Variants in PGLYRP4 observed in about 807,000 individuals in gnomAD.
PGLYRP4 encodes the protein PGRP-I-beta.
Under a neutral mutation model 41.2 loss-of-function variants are expected in PGLYRP4, and 39 were observed. The observed-to-expected ratio is 0.95, with a 90% CI of 0.73 to 1.24. The LOEUF (loss-of-function observed/expected upper bound fraction) is 1.24, where lower values mean the gene tolerates loss of function less well. Ranked by LOEUF, PGLYRP4 falls within the 50% of genes most tolerant of loss-of-function variation. PGLYRP4 has a pLI of 0.00. For synonymous variants in PGLYRP4, 202 were observed against 186.8 expected (o/e 1.08, Z -0.66); for missense variants, 467 against 460.7 (o/e 1.01, Z -0.13).
chr1:153,337,901 C>T (rs1471474581), intron 7 of PGLYRP4, among the ~76,000 whole-genome samples: 2 of 152,170 alleles, frequency 1.3e-5, no homozygotes, highest in East Asian at 3.9e-4. Flanking sequence ...CCCTTAGCTT[C>T]CATCACACCA....
chr1:153,332,456 G>C (rs2101547964), intron 8 of PGLYRP4, among the ~76,000 whole-genome samples: 1 of 152,148 alleles, frequency 6.6e-6, no homozygotes, highest in East Asian at 1.9e-4. Context: ...CCCACTGACA[G>C]CACTGGACAG....
chr1:153,337,365 A>G, intron 7 of PGLYRP4, 66 bp from the exon 8 acceptor site: 1 of 945,726 alleles, frequency 1.1e-6, no homozygotes, highest in Non-Finnish European at 1.6e-6. Flanking sequence ...TCTTTCATGT[A>G]TTAATTTATT....
chr1:153,339,858 A>G (rs1660719856), intron 7 of PGLYRP4, among the ~76,000 whole-genome samples: 1 of 152,186 alleles, frequency 6.6e-6, no homozygotes, highest in African/African-American at 2.4e-5. Flanking sequence ...TAGAGAAATC[A>G]AAAGATAGTA....
chr1:153,343,245 CT>C, intron 4 of PGLYRP4, 37 bp from the exon 5 acceptor site: 1 of 1,418,844 alleles, frequency 7.0e-7, no homozygotes. Context: ...ATGGCTGGCA[CT>C]GTAGGACATT....
intron 1 of PGLYRP4, 88 bp downstream of exon 1, chr1:153,348,440 G>A (rs764216049): frequency 6.4e-5 from 10 of 155,052 alleles, no homozygotes; most frequent in South Asian, 3.9e-4. Flanking sequence ...TAGGGCAGAG[G>A]AAATCCAATC....
At chr1:153,347,051 G>T (rs1255691620) in intron 2 of PGLYRP4, among the ~76,000 whole-genome samples, 5 of 152,088 alleles carry the variant, frequency 3.3e-5, no homozygotes, top group Non-Finnish European at 5.9e-5. Context: ...GGTTTTGGGG[G>T]ATTTTTTCGT....
intron 4 of PGLYRP4, among the ~76,000 whole-genome samples, chr1:153,344,083 A>G (rs1042964805): frequency 3.3e-5 from 5 of 152,190 alleles, no homozygotes; most frequent in African/African-American, 1.2e-4. Context: ...TAAGCACGAC[A>G]AAGACACAGA....
chr1:153,338,423 C>T (rs929173438), intron 7 of PGLYRP4, among the ~76,000 whole-genome samples: 2 of 152,216 alleles, frequency 1.3e-5, no homozygotes, highest in African/African-American at 2.4e-5. Context: ...TCCAGTTCCA[C>T]CCTTTCCCAT....
At position 153,337,328 on chromosome 1, in the gene PGLYRP4, C is replaced by T. The variant is rs188574342; in HGVS notation, c.825-29G>A. 104 of 1,330,376 alleles carry T rather than the reference C, an allele frequency of 7.8e-5. 1 individual carries two copies. In the African/African-American group the frequency reaches 1.2e-3, roughly 15 times the overall value. 82.4% of individuals were successfully genotyped at this position (1,330,376 alleles called of 1,614,324 possible). On this transcript the variant is annotated intron_variant, in intron 7 of 8. Coordinates refer to ENST00000359650, the MANE Select transcript of PGLYRP4 (RefSeq NM_020393.4). The stretch of plus-strand genomic sequence containing the variant: ...GAGGACCACAAGGGGAGATGGAGAC[C>T]AGCATGAAATTCTGGAATTGTTTCT...
At chr1:153,341,035 C>T (rs1276650657) in intron 6 of PGLYRP4, among the ~76,000 whole-genome samples, 1 of 152,204 alleles carries the variant, frequency 6.6e-6, no homozygotes, top group East Asian at 1.9e-4. Flanking sequence ...TGAGCTCTTT[C>T]TTTAAAGTCT....
At chr1:153,334,783 A>ATATT (rs1246455866) in intron 8 of PGLYRP4, among the ~76,000 whole-genome samples, 3 of 152,188 alleles carry the variant, frequency 2.0e-5, no homozygotes, top group Non-Finnish European at 4.4e-5. Flanking sequence ...TGGAGGTATC[A>ATATT]TATTACCTGA....
chr1:153,331,681 C>T (rs536640427), intron 8 of PGLYRP4: 28 of 152,478 alleles, frequency 1.8e-4, no homozygotes, highest in African/African-American at 6.5e-4. Flanking sequence ...ATTAGTGTGG[C>T]CCCTGAAGTA....
At chr1:153,346,064 T>C in intron 3 of PGLYRP4, 38 bp downstream of exon 3, 1 of 1,456,846 alleles carries the variant, frequency 6.9e-7, no homozygotes, top group Non-Finnish European at 9.6e-7. Flanking sequence ...AAACCCCAGC[T>C]CGTCCCAAAA....
At position 153,330,809 on chromosome 1, in the gene PGLYRP4, A is replaced by ATC. The variant is rs1458265111; in HGVS notation, c.1079_1080insGA (p.Leu361IlefsTer22). The ATC allele has an allele frequency of 6.2e-7, 1 of 1,614,002 alleles. No homozygotes were observed. The highest frequency in any genetic ancestry group is 2.2e-5 in the East Asian group (1 of 44,872). On this transcript the variant is annotated frameshift_variant, in exon 9 of 9. Transcript: ENST00000359650. LOFTEE classifies it high-confidence loss of function. ...GCCAGGTGCTGATGATGTTGTACAAAGCCTGCCCAGGAGACAAGGTTCGGG... is the reference window on the plus strand; with the variant it reads ...GCCAGGTGCTGATGATGTTGTACAAATCGCCTGCCCAGGAGACAAGGTTCGGG...
chr1:153,341,507 C>T (rs1660797391), intron 6 of PGLYRP4, 120 bp downstream of exon 6: 2 of 903,736 alleles, frequency 2.2e-6, no homozygotes, highest in Non-Finnish European at 3.3e-6. Context: ...AGTTGGGTGG[C>T]CAGTTGCCTT....
At chr1:153,345,068 C>G (rs886498589) in intron 4 of PGLYRP4, 101 bp downstream of exon 4, 3 of 889,636 alleles carry the variant, frequency 3.4e-6, no homozygotes, top group Non-Finnish European at 5.3e-6. Context: ...CATATAGGAC[C>G]ACAACCCAGA....
chr1:153,334,567 T>C (rs1197319573), intron 8 of PGLYRP4, among the ~76,000 whole-genome samples: 1 of 150,268 alleles, frequency 6.7e-6, no homozygotes, highest in Non-Finnish European at 1.5e-5. Context: ...CACAAACAAA[T>C]GAGAAGACAT....
chr1:153,347,990 G>A lies in PGLYRP4; in HGVS notation c.-46-12C>T, dbSNP rs897750593. The A allele has an allele frequency of 3.6e-6, 5 of 1,375,022 alleles. No individual in the cohort carries two copies. The highest frequency in any genetic ancestry group is 2.4e-5 in the South Asian group (2 of 84,194). The allele number at this position is 1,375,022 out of a possible 1,614,324, so 85.2% of individuals were successfully genotyped here. A position where few individuals can be genotyped will look rare whatever the true frequency, so the allele number is the denominator to read the frequency against. On this transcript the variant is annotated splice_polypyrimidine_tract_variant and intron_variant, in intron 1 of 8. Transcript: ENST00000359650. ...GTGTGGATGGCAGCCTGAGAGAGAC[G>A]CTGACAGTTGTTAACATGACCATTC...
chr1:153,337,502 A>G (rs969255640), intron 7 of PGLYRP4, among the ~76,000 whole-genome samples: 12 of 152,230 alleles, frequency 7.9e-5, no homozygotes, highest in Admixed American at 7.2e-4. Context: ...GAGGCAGGGT[A>G]GGGAGAGGGA....
Sources: allele counts gnomAD v4.1 joint callset (sites outside exome capture counted in the v4.1 genomes callset), GRCh38; gene constraint gnomAD v4.1.1; transcripts MANE v1.5; gene names NCBI Gene and HGNC (gene_info 2026-07-23, HGNC 2026-07-21).